SLC38A8: variants seen among roughly 807,000 people sequenced by gnomAD.
SLC38A8 encodes the protein amino acid transporter SLC38A8.
In SLC38A8, 65 loss-of-function variants were observed where a neutral mutation model predicts 46.0. That is an observed-to-expected ratio of 1.41 (90% CI 1.16 to 1.74). The LOEUF (loss-of-function observed/expected upper bound fraction) is 1.74. Ranked by LOEUF, SLC38A8 falls within the 40% of genes most tolerant of loss-of-function variation. The pLI is 0.00. For synonymous variants in SLC38A8, 447 were observed against 243.7 expected (o/e 1.83, Z -7.77); for missense variants, 998 against 567.9 (o/e 1.76, Z -7.70).
At position 84,017,270 on chromosome 16, in the gene SLC38A8, T is replaced by C; in HGVS notation, c.823A>G (p.Thr275Ala). The C allele has an allele frequency of 1.2e-6, 2 of 1,613,794 alleles. No individual in the cohort carries two copies. The highest frequency in any genetic ancestry group is 1.7e-5 in the Admixed American group (1 of 59,978). Residue 275 changes from threonine (T) to alanine (A), a missense_variant, in exon 8 of 11, where the codon ACT (threonine) becomes GCT (alanine). By Grantham distance (58) the Thr-to-Ala change is moderately conservative. Coordinates refer to ENST00000299709, the MANE Select transcript of SLC38A8 (RefSeq NM_001080442.3). ...YSLTGVYGFL[T>A]FGTEVSADVL... ...TCAGCAGAAACTTCTGTCCCAAAAGTCAGGAAGCCATAAACCCCTGAAGGT... is the reference window on the plus strand; with the variant it reads ...TCAGCAGAAACTTCTGTCCCAAAAGCCAGGAAGCCATAAACCCCTGAAGGT...
chr16:84,014,927 C>A (rs2085007302), intron 9 of SLC38A8, among the ~76,000 whole-genome samples: 1 of 149,630 alleles, frequency 6.7e-6, no homozygotes, highest in African/African-American at 2.6e-5. Context: ...TACCTGGGAC[C>A]CTGAACAATG....
rs370856285 is a variant in SLC38A8, at chr16:84,036,707, T to C, written c.383A>G (p.Glu128Gly). The C allele has an allele frequency of 3.7e-6, 6 of 1,614,096 alleles. No homozygotes were observed. Among genetic ancestry groups the C allele is most frequent in the Non-Finnish European group, 5.1e-6 (6 of 1,180,016 alleles). ...AGTCCCATGAAGGTACTTACGCTTC[T>C]CCAGCTGGTCCCCGATCACCCTGAG... ...AFLRVIGDQL[E>G]KLCDSLLSGT... The change falls in exon 3 of 11, where the codon GAG becomes GGG. Residue 128 changes from glutamate to glycine, a missense_variant. Transcript: ENST00000299709.
intron 3 of SLC38A8, among the ~76,000 whole-genome samples, chr16:84,035,987 C>T (rs540161610): frequency 6.6e-6 from 1 of 152,346 alleles, no homozygotes; most frequent in East Asian, 1.9e-4. Context: ...GCAGAGTACA[C>T]ATTCTCTGAA....
chr16:84,029,695 C>A, intron 5 of SLC38A8, 144 bp from the exon 6 acceptor site: 1 of 809,096 alleles, frequency 1.2e-6, no homozygotes, highest in Non-Finnish European at 2.0e-6. Context: ...GTGTCCGTGA[C>A]CGGGCTTTTG....
chr16:84,017,555 C>G (rs754507387), intron 7 of SLC38A8, among the ~76,000 whole-genome samples: 1 of 152,190 alleles, frequency 6.6e-6, no homozygotes, highest in South Asian at 2.1e-4. Context: ...ACCCACAGTG[C>G]GTGTGTTGAC....
intron 5 of SLC38A8, among the ~76,000 whole-genome samples, chr16:84,031,467 C>T (rs1476004663): frequency 1.3e-5 from 2 of 152,216 alleles, no homozygotes; most frequent in Non-Finnish European, 2.9e-5. Flanking sequence ...TGTACGACAT[C>T]CCCGCCCATG....
At position 84,022,852 on chromosome 16, in the gene SLC38A8, C is replaced by T. The variant is rs773149036; in HGVS notation, c.728G>A (p.Arg243His). The T allele has an allele frequency of 3.5e-5, 56 of 1,610,432 alleles. No homozygotes were observed. Among genetic ancestry groups the T allele is most frequent in the South Asian group, 8.8e-5 (8 of 90,672 alleles). ...EAAVSIYCSM[R>H]KRSLSHWALV... is the part of the protein sequence containing the mutation. ...GGCCCAGTGGGAGAGGCTCCGTTTG[C>T]GCATGCTGCAGTAGATGGAGACGGC... The change falls in exon 7 of 11, where the codon CGC becomes CAC. Residue 243 changes from arginine to histidine, a missense_variant. Arg to His is a conservative substitution (Grantham distance 29). Transcript: ENST00000299709.
intron 5 of SLC38A8, among the ~76,000 whole-genome samples, chr16:84,030,398 A>C (rs900705953): frequency 6.6e-6 from 1 of 152,064 alleles, no homozygotes; most frequent in Admixed American, 6.5e-5. Flanking sequence ...CCACCGGCTC[A>C]GTGTACAGAT....
At chr16:84,038,033 A>C (rs2085321570) in intron 2 of SLC38A8, among the ~76,000 whole-genome samples, 1 of 151,642 alleles carries the variant, frequency 6.6e-6, no homozygotes, top group Admixed American at 6.6e-5. Context: ...TTTTCAGGCC[A>C]GGTGCTATGG....
At position 84,023,262 on chromosome 16, in the gene SLC38A8, G is replaced by C. The variant is rs561813580; in HGVS notation, c.691-373C>G. Among the ~76,000 whole-genome samples, 10 of 152,214 alleles carry C rather than the reference G, an allele frequency of 6.6e-5. No individual in the cohort carries two copies. The South Asian group carries it at 2.1e-3, about 32-fold the overall frequency. The stretch of plus-strand genomic sequence containing the variant: ...AAGTTCAAATGTTCAACTGAGGCTA[G>C]TTTAGATTGTGCGGCCCAACCCCAG... On this transcript the variant is annotated intron_variant, in intron 6 of 10. Transcript: ENST00000299709.
chr16:84,032,909 A>AGCATGGGTGGGTGTGGGTATGTGGGTGT (rs1567701257), intron 4 of SLC38A8, among the ~76,000 whole-genome samples: 1 of 80,470 alleles, frequency 1.2e-5, no homozygotes, highest in African/African-American at 6.1e-5. Flanking sequence ...TGGGTGGGTG[A>AGCATGGGTGGGTGTGGGTATGTGGGTGT]GCATGGGTGG....
intron 9 of SLC38A8, among the ~76,000 whole-genome samples, chr16:84,013,867 C>G (rs1039242511): frequency 6.6e-6 from 1 of 152,188 alleles, no homozygotes; most frequent in African/African-American, 2.4e-5. Context: ...AGCGCTACAA[C>G]TGGCCACCTG....
intron 2 of SLC38A8, among the ~76,000 whole-genome samples, chr16:84,037,933 C>T (rs989458164): frequency 2.6e-5 from 4 of 151,652 alleles, no homozygotes; most frequent in South Asian, 2.1e-4. Context: ...CTCAACCTCC[C>T]GAGTATCTGG....
chr16:84,036,323 C>G (rs35672231), intron 3 of SLC38A8, among the ~76,000 whole-genome samples: 1 of 152,078 alleles, frequency 6.6e-6, no homozygotes, highest in South Asian at 2.1e-4. Context: ...AAGTCTTAGT[C>G]GGGAACTCGA....
At chr16:84,032,937 TGCATGGGTGGG>T (rs2085260945) in intron 4 of SLC38A8, among the ~76,000 whole-genome samples, 1 of 81,868 alleles carries the variant, frequency 1.2e-5, no homozygotes, top group Non-Finnish European at 2.2e-5. Context: ...TACGTGGGTG[TGCATGGGTGGG>T]TGTGGGTAGG....
intron 7 of SLC38A8, among the ~76,000 whole-genome samples, chr16:84,019,952 T>A (rs2085076126): frequency 6.6e-6 from 1 of 152,226 alleles, no homozygotes; most frequent in Non-Finnish European, 1.5e-5. Context: ...CTTTGCCGGG[T>A]ACAGCCCACG....
chr16:84,031,224 A>G (rs1416233395), intron 5 of SLC38A8, among the ~76,000 whole-genome samples: 1 of 152,028 alleles, frequency 6.6e-6, no homozygotes. Context: ...ATTTTTATGT[A>G]GAGACAGGGT....
chr16:84,024,143 A>G (rs898693614), intron 6 of SLC38A8, among the ~76,000 whole-genome samples: 10 of 152,156 alleles, frequency 6.6e-5, no homozygotes, highest in Non-Finnish European at 1.0e-4. Context: ...GTCTGCAGAC[A>G]TGGTCAAATG....
At chr16:84,022,495 T>C (rs2085106568) in intron 7 of SLC38A8, among the ~76,000 whole-genome samples, 1 of 152,164 alleles carries the variant, frequency 6.6e-6, no homozygotes, top group Non-Finnish European at 1.5e-5. Context: ...GTGTGGTGTG[T>C]CAGAGCACGG....
Sources: allele counts gnomAD v4.1 joint callset (sites outside exome capture counted in the v4.1 genomes callset), GRCh38; gene constraint gnomAD v4.1.1; transcripts MANE v1.5; gene names NCBI Gene and HGNC (gene_info 2026-07-23, HGNC 2026-07-21).